SGCZ: variants seen among roughly 807,000 people sequenced by gnomAD.
The protein encoded by SGCZ is zeta-sarcoglycan.
SGCZ carries 40 observed loss-of-function variants against 41.3 expected under a neutral mutation model. The observed-to-expected ratio is 0.97, with a 90% CI of 0.75 to 1.26. SGCZ has a LOEUF of 1.26. Among genes scored for constraint, SGCZ ranks in the 50% most tolerant of loss-of-function variants. The pLI, the probability that SGCZ is intolerant of heterozygous loss-of-function variation, is 0.00. For synonymous variants in SGCZ, 206 were observed against 137.5 expected (o/e 1.50, Z -3.49); for missense variants, 552 against 369.8 (o/e 1.49, Z -4.04).
chr8:14,167,649 T>G (rs1337012663), intron 4 of SGCZ, among the ~76,000 whole-genome samples: 1 of 152,182 alleles, frequency 6.6e-6, no homozygotes, highest in Non-Finnish European at 1.5e-5. Flanking sequence ...ACTGGAGTAT[T>G]AGATATATGT....
At chr8:14,692,316 T>C (rs1029917118) in intron 1 of SGCZ, among the ~76,000 whole-genome samples, 1 of 152,056 alleles carries the variant, frequency 6.6e-6, no homozygotes, top group Non-Finnish European at 1.5e-5. Flanking sequence ...AGATATTGTT[T>C]AGGAAGCAGA....
chr8:15,172,732 C>T (rs1799882480), intron 1 of SGCZ, among the ~76,000 whole-genome samples: 1 of 152,136 alleles, frequency 6.6e-6, no homozygotes, highest in African/African-American at 2.4e-5. Context: ...CCTTTATCAA[C>T]ATGCGTAGAA....
chr8:14,564,404 G>C lies in SGCZ; in HGVS notation c.40-9478C>G, dbSNP rs543344406. On this transcript the variant is annotated intron_variant, in intron 1 of 7. Transcript: ENST00000382080. ...CACAATAGTTTAAAATGCAGTCCTA[G>C]ACTTACTGAGTTCAGATCCCAGCTT... Among the ~76,000 whole-genome samples the C allele has an allele frequency of 8.7e-4, 133 of 152,254 alleles. 1 individual carries two copies. Among genetic ancestry groups the C allele is most frequent in the Middle Eastern group, 6.8e-3 (2 of 294 alleles).
At chr8:15,198,522 A>G (rs1429112189) in intron 1 of SGCZ, among the ~76,000 whole-genome samples, 1 of 152,204 alleles carries the variant, frequency 6.6e-6, no homozygotes, top group Non-Finnish European at 1.5e-5. Context: ...TAATTCATGT[A>G]CAATCTTGTG....
intron 1 of SGCZ, among the ~76,000 whole-genome samples, chr8:15,065,143 C>G (rs893615308): frequency 2.0e-5 from 3 of 152,124 alleles, no homozygotes; most frequent in Admixed American, 6.5e-5. Context: ...TATCCTCCAA[C>G]AAGACGGAAC....
At position 14,266,836 on chromosome 8, in the gene SGCZ, G is replaced by C. The variant is rs552493211; in HGVS notation, c.337-29157C>G. 3.9e-4 allele frequency among the ~76,000 whole-genome samples: 59 copies of C among 152,110 alleles called. 1 individual carries two copies. Among genetic ancestry groups the C allele is most frequent in the African/African-American group, 1.4e-3 (57 of 41,524 alleles). The stretch of plus-strand genomic sequence containing the variant: ...CAGAAACACAGATCCGACATAAACT[G>C]GTAATCACAAAGAGAACACTGGAAT... On this transcript the variant is annotated intron_variant, in intron 3 of 7. Coordinates refer to ENST00000382080, the MANE Select transcript of SGCZ (RefSeq NM_139167.4).
At position 14,359,827 on chromosome 8, in the gene SGCZ, A is replaced by C. The variant is rs995988128; in HGVS notation, c.235-35623T>G. 1.2e-4 allele frequency among the ~76,000 whole-genome samples: 18 copies of C among 152,140 alleles called. 1 individual carries two copies. The highest frequency in any genetic ancestry group is 4.6e-4 in the Admixed American group (7 of 15,288). On this transcript the variant is annotated intron_variant, in intron 2 of 7. Coordinates refer to ENST00000382080, the MANE Select transcript of SGCZ (RefSeq NM_139167.4). ...TAATACAAAAAAAGAAAAAAAAAAA[A>C]AACAAATATCCCGGATGAATACTGA...
intron 1 of SGCZ, among the ~76,000 whole-genome samples, chr8:15,027,842 G>A (rs181449479): frequency 1.3e-5 from 2 of 152,058 alleles, no homozygotes; most frequent in South Asian, 4.1e-4. Context: ...TATATTTATA[G>A]TGTATATTTA....
intron 2 of SGCZ, among the ~76,000 whole-genome samples, chr8:14,339,461 G>A (rs1802624078): frequency 6.6e-6 from 1 of 152,160 alleles, no homozygotes; most frequent in African/African-American, 2.4e-5. Flanking sequence ...TGCAGGTAAT[G>A]ACCTCACCAT....
At chr8:14,131,131 T>C (rs1185585101) in intron 5 of SGCZ, among the ~76,000 whole-genome samples, 2 of 152,198 alleles carry the variant, frequency 1.3e-5, no homozygotes, top group South Asian at 4.1e-4. Flanking sequence ...TCACTCCTTG[T>C]GTGTCCACAT....
intron 2 of SGCZ, among the ~76,000 whole-genome samples, chr8:14,499,395 T>G (rs1426898828): frequency 6.6e-6 from 1 of 152,044 alleles, no homozygotes; most frequent in African/African-American, 2.4e-5. Flanking sequence ...CATATATACC[T>G]GTATTTCTTT....
chr8:15,198,316 T>C (rs1390521693), intron 1 of SGCZ, among the ~76,000 whole-genome samples: 1 of 151,940 alleles, frequency 6.6e-6, no homozygotes, highest in African/African-American at 2.4e-5. Flanking sequence ...ACTCAAATTT[T>C]ATATCTCAAC....
rs565687691 is a variant in SGCZ at position 14,439,232 on chromosome 8, T to C, written c.235-115028A>G. On this transcript the variant is annotated intron_variant, in intron 2 of 7. Coordinates refer to ENST00000382080, the MANE Select transcript of SGCZ (RefSeq NM_139167.4). The stretch of plus-strand genomic sequence containing the variant: ...TTTTTTGTAAGATCATTAGGACTTT[T>C]TATTATATTTTTAGGAGTTTTTGGC... Among the ~76,000 whole-genome samples, 27 of 151,566 alleles carry C rather than the reference T, an allele frequency of 1.8e-4. 2 individuals are homozygous for C. In the South Asian group the frequency reaches 5.6e-3, roughly 31 times the overall value.
chr8:15,214,204 A>G lies in SGCZ; in HGVS notation c.39+23381T>C, dbSNP rs1365199036. Among the ~76,000 whole-genome samples, 8 of 152,228 alleles carry G rather than the reference A, an allele frequency of 5.3e-5. No homozygotes were observed. In the East Asian group the frequency reaches 1.5e-3, roughly 29 times the overall value. ...AATATTTATTCTAATAGAATGATCCATAATATAAAATTATTTTCTTTTTTT... is the reference window on the plus strand; with the variant it reads ...AATATTTATTCTAATAGAATGATCCGTAATATAAAATTATTTTCTTTTTTT... On this transcript the variant is annotated intron_variant, in intron 1 of 7. Coordinates refer to ENST00000382080, the MANE Select transcript of SGCZ (RefSeq NM_139167.4).
chr8:14,226,745 T>C (rs1806386406), intron 4 of SGCZ, among the ~76,000 whole-genome samples: 1 of 152,096 alleles, frequency 6.6e-6, no homozygotes, highest in Non-Finnish European at 1.5e-5. Flanking sequence ...GACCATATGG[T>C]AGTTGCCTGT....
At chr8:14,106,522 CTGAGTTGT>C (rs1235188934) in intron 6 of SGCZ, among the ~76,000 whole-genome samples, 4 of 152,060 alleles carry the variant, frequency 2.6e-5, no homozygotes, top group Non-Finnish European at 5.9e-5. Context: ...TAGTGAGAAA[CTGAGTTGT>C]TTAGGAAATT....
intron 1 of SGCZ, among the ~76,000 whole-genome samples, chr8:15,116,964 T>C (rs1005266188): frequency 3.3e-5 from 5 of 152,258 alleles, no homozygotes; most frequent in African/African-American, 1.2e-4. Flanking sequence ...TAGACATTTA[T>C]GAATTTTTAT....
chr8:14,440,678 CATACGTATACACGTATATGTATA>C (rs1800224551), intron 2 of SGCZ, among the ~76,000 whole-genome samples: 1 of 85,356 alleles, frequency 1.2e-5, no homozygotes, highest in Non-Finnish European at 2.7e-5. Context: ...TATGTATATA[CATACGTATACACGTATATGTATA>C]TATGTATATA....
chr8:14,169,572 C>A (rs1804312219), intron 4 of SGCZ, among the ~76,000 whole-genome samples: 1 of 152,156 alleles, frequency 6.6e-6, no homozygotes, highest in African/African-American at 2.4e-5. Context: ...CTGCTTCCTA[C>A]CTCCTTTGTC....
Sources: gnomAD v4.1 joint callset for allele counts (sites outside exome capture counted in the v4.1 genomes callset) on GRCh38, gnomAD v4.1.1 for gene constraint, MANE v1.5 for transcripts, NCBI Gene and HGNC (gene_info 2026-07-23, HGNC 2026-07-21) for gene names.